The following ARHGEF12 variants were observed in gnomAD, a reference collection of about 807,000 sequenced individuals.
ARHGEF12 encodes the protein KMT2A/ARHGEF12 fusion protein.
A neutral mutation model predicts 211.2 loss-of-function variants in ARHGEF12; 66 were observed. The ratio of observed to expected loss-of-function variants is 0.31; its 90% CI spans 0.26 to 0.38. The LOEUF is 0.38. ARHGEF12 is among the 10% of genes least tolerant of loss of function. The pLI is 1.00. For synonymous variants in ARHGEF12, 592 were observed against 638.4 expected, an observed-to-expected ratio of 0.93 and a Z score of 1.09; for missense variants, 1,429 against 1,869.5, an observed-to-expected ratio of 0.76 and a Z score of 4.34.
chr11:120,480,029 A>C lies in ARHGEF12; in HGVS notation c.3836A>C (p.Gln1279Pro), dbSNP rs777640146. Residue 1279 changes from glutamine to proline, a missense_variant, in exon 38 of 41, where the codon CAA becomes CCA. Gln to Pro is a moderately conservative substitution (Grantham distance 76). Coordinates refer to ENST00000397843, the MANE Select transcript of ARHGEF12 (RefSeq NM_015313.3). ...LTEKSVQEDW[Q>P]HFPRYRTASQ... Reference sequence around the variant, plus strand: ...GAGAAGAGCGTTCAGGAAGACTGGCAACATTTCCCAAGATACAGAACAGCC... The same window carrying C: ...GAGAAGAGCGTTCAGGAAGACTGGCCACATTTCCCAAGATACAGAACAGCC... The C allele has an allele frequency of 1.9e-6, 3 of 1,614,198 alleles. No individual in the cohort carries two copies. In the Admixed American group the frequency reaches 5.0e-5, roughly 27 times the overall value.
intron 7 of ARHGEF12, among the ~76,000 whole-genome samples, chr11:120,426,765 T>G (rs1014831586): frequency 3.9e-5 from 6 of 152,206 alleles, no homozygotes; most frequent in African/African-American, 1.4e-4. Flanking sequence ...ATGGGAGGGT[T>G]AAATTGGGAG....
intron 4 of ARHGEF12, among the ~76,000 whole-genome samples, chr11:120,416,430 G>T (rs1208963352): frequency 6.6e-6 from 1 of 152,146 alleles, no homozygotes; most frequent in African/African-American, 2.4e-5. Flanking sequence ...TACACAGAGG[G>T]TGCAGTGGGA....
In ARHGEF12 at chr11:120,339,005, C is replaced by CTTTTTTTTTTTT. The variant is rs906260027; in HGVS notation, c.32+1737_32+1748dup. ...CTGAAAGCCTGTTTCTTTTCTTTTT[C>CTTTTTTTTTTTT]TTTTTTTTTTTTTTTTTTGGCCAGG... On this transcript the variant is annotated intron_variant, in intron 1 of 40. Transcript: ENST00000397843. Among the ~76,000 whole-genome samples, 212 of 121,838 alleles carry CTTTTTTTTTTTT rather than the reference C, an allele frequency of 1.7e-3. 2 individuals are homozygous for CTTTTTTTTTTTT. Among genetic ancestry groups the CTTTTTTTTTTTT allele is most frequent in the African/African-American group, 2.3e-3 (75 of 32,110 alleles). The allele number at this position is 121,838 out of a possible 152,430, so 79.9% of individuals were successfully genotyped here.
chr11:120,402,826 T>G (rs1218622694), intron 1 of ARHGEF12, among the ~76,000 whole-genome samples: 1 of 152,262 alleles, frequency 6.6e-6, no homozygotes, highest in African/African-American at 2.4e-5. Flanking sequence ...AGGCTATTTA[T>G]TATAAGCAAA....
In ARHGEF12 at chr11:120,446,394, T is replaced by C. The variant is rs745692448; in HGVS notation, c.1346-9T>C. Reference sequence around the variant, plus strand: ...CCTTTAGATAACATAATTCCTTTCATTTATGAAGAAAAGAGAAGACCTGAG... The same window carrying C: ...CCTTTAGATAACATAATTCCTTTCACTTATGAAGAAAAGAGAAGACCTGAG... On this transcript the variant is annotated splice_polypyrimidine_tract_variant and intron_variant, in intron 16 of 40. Transcript: ENST00000397843. 7 of 1,602,964 alleles carry C rather than the reference T, an allele frequency of 4.4e-6. No homozygotes were observed. In the South Asian group the frequency reaches 7.8e-5, roughly 18 times the overall value.
intron 1 of ARHGEF12, among the ~76,000 whole-genome samples, chr11:120,342,158 A>G (rs1942556606): frequency 6.6e-6 from 1 of 151,958 alleles, no homozygotes; most frequent in African/African-American, 2.4e-5. Context: ...CTTTCTTTGT[A>G]CTGTATTTTT....
intron 18 of ARHGEF12, among the ~76,000 whole-genome samples, chr11:120,447,589 G>A (rs904675037): frequency 6.6e-5 from 10 of 151,702 alleles, no homozygotes; most frequent in African/African-American, 2.2e-4. Context: ...GAGGCCGAGC[G>A]GGCGGATTAC....
chr11:120,399,372 C>G (rs141229803), intron 1 of ARHGEF12, among the ~76,000 whole-genome samples: 1,753 of 110,670 alleles, frequency 0.016, 31 homozygotes, highest in African/African-American at 0.056. Flanking sequence ...ATAAATAGAT[C>G]TATGTCTAGT....
intron 1 of ARHGEF12, among the ~76,000 whole-genome samples, chr11:120,379,606 T>C (rs1464499612): frequency 2.0e-5 from 3 of 152,046 alleles, no homozygotes; most frequent in Non-Finnish European, 2.9e-5. Context: ...AGATATTGAA[T>C]TTAGTCATAT....
intron 22 of ARHGEF12, 60 bp downstream of exon 22, chr11:120,451,784 A>G (rs1335693451): frequency 1.4e-6 from 2 of 1,462,330 alleles, no homozygotes; most frequent in African/African-American, 2.8e-5. Flanking sequence ...AAACACACTA[A>G]CTGAAAAATA....
intron 1 of ARHGEF12, among the ~76,000 whole-genome samples, chr11:120,374,156 T>A (rs1009041525): frequency 6.6e-6 from 1 of 152,222 alleles, no homozygotes; most frequent in African/African-American, 2.4e-5. Context: ...TTCCATCTAG[T>A]GGCTGGTTAA....
chr11:120,425,607 A>G (rs1945322195), intron 7 of ARHGEF12, among the ~76,000 whole-genome samples: 1 of 151,810 alleles, frequency 6.6e-6, no homozygotes, highest in African/African-American at 2.4e-5. Flanking sequence ...AAGATTTTAT[A>G]TTTTCTAATT....
At chr11:120,457,805 T>C (rs368527407) in intron 24 of ARHGEF12, 49 bp downstream of exon 24, 31 of 1,571,920 alleles carry the variant, frequency 2.0e-5, no homozygotes, top group Non-Finnish European at 2.2e-5. Context: ...TTAAGAAACG[T>C]AACCTTTTTT....
intron 1 of ARHGEF12, among the ~76,000 whole-genome samples, chr11:120,378,870 A>C (rs1943803295): frequency 6.6e-6 from 1 of 152,176 alleles, no homozygotes; most frequent in Non-Finnish European, 1.5e-5. Flanking sequence ...CTTAGCTTTA[A>C]GTCTTTAAAT....
At chr11:120,448,663 A>T (rs747034247) in intron 20 of ARHGEF12, 37 of 344,560 alleles carry the variant, frequency 1.1e-4, no homozygotes, top group Non-Finnish European at 1.6e-5. Context: ...CATAATCGTC[A>T]TGAACATCTT....
chr11:120,367,353 CTTTT>C (rs1025919456), intron 1 of ARHGEF12, among the ~76,000 whole-genome samples: 100 of 59,328 alleles, frequency 1.7e-3, no homozygotes, highest in East Asian at 0.013. Flanking sequence ...ATACTTTTTC[CTTTT>C]TTTTTTTTTT....
chr11:120,478,699 G>T (rs1271405997), intron 37 of ARHGEF12, among the ~76,000 whole-genome samples: 1 of 152,174 alleles, frequency 6.6e-6, no homozygotes, highest in Non-Finnish European at 1.5e-5. Context: ...TTTTAAACCA[G>T]CGTATGACTA....
rs1178189983 is a variant in ARHGEF12 at position 120,484,569 on chromosome 11, TATC to T, written c.4624+65_4624+67del. ...TCATCCTACACTGAATGAAATGACT[TATC>T]ATACTTTGAAGTGAAAACCTTCTGA... is the stretch of plus-strand genomic sequence containing the variant. On this transcript the variant is annotated intron_variant, in intron 40 of 40. Coordinates refer to ENST00000397843, the MANE Select transcript of ARHGEF12 (RefSeq NM_015313.3). The T allele has an allele frequency of 1.6e-4, 220 of 1,398,942 alleles. 1 individual carries two copies. The highest frequency in any genetic ancestry group is 8.3e-4 in the South Asian group (68 of 82,058). 86.7% of individuals were successfully genotyped at this position (1,398,942 alleles called of 1,614,324 possible).
At chr11:120,456,421 C>T (rs1030131344) in intron 22 of ARHGEF12, among the ~76,000 whole-genome samples, 1 of 151,984 alleles carries the variant, frequency 6.6e-6, no homozygotes, top group African/African-American at 2.4e-5. Flanking sequence ...AACTATTAAA[C>T]ATTGGGAAGA....
Sources: gnomAD v4.1 joint callset for allele counts (sites outside exome capture counted in the v4.1 genomes callset) on GRCh38, gnomAD v4.1.1 for gene constraint, MANE v1.5 for transcripts, NCBI Gene and HGNC (gene_info 2026-07-23, HGNC 2026-07-21) for gene names.